The following TRHDE variants were observed in gnomAD, a reference collection of about 807,000 sequenced individuals.
TRHDE encodes the protein thyrotropin-releasing hormone-degrading ectoenzyme.
In TRHDE, 72 loss-of-function variants were observed where a neutral mutation model predicts 125.7. That is an observed-to-expected ratio of 0.57 (90% CI 0.47 to 0.70). The LOEUF (loss-of-function observed/expected upper bound fraction) is 0.70. Ranked by LOEUF, TRHDE falls within the 30% of genes least tolerant of loss-of-function variation. The probability of loss-of-function intolerance (pLI) is 0.00; values close to 1 mark genes in which losing one functional copy is unlikely to be tolerated. For missense variants in TRHDE, 1,110 were observed against 1,327.1 expected (o/e 0.84, Z 2.54); for synonymous variants, 509 against 509.1 (o/e 1.00, Z 0.00).
At chr12:72,407,363 G>A (rs1272606440) in intron 3 of TRHDE, among the ~76,000 whole-genome samples, 1 of 152,140 alleles carries the variant, frequency 6.6e-6, no homozygotes, top group East Asian at 1.9e-4. Flanking sequence ...GCTAAGAGAG[G>A]GCTGATGTGT....
chr12:72,561,802 A>G (rs544782087), intron 7 of TRHDE, among the ~76,000 whole-genome samples: 1 of 152,188 alleles, frequency 6.6e-6, no homozygotes, highest in South Asian at 2.1e-4. Context: ...CTTTTTCAAC[A>G]CTTTAACGCA....
At chr12:72,270,278 A>G (rs563643746), upstream of TRHDE, among the ~76,000 whole-genome samples, 1 of 152,360 alleles carries the variant, frequency 6.6e-6, no homozygotes, top group Admixed American at 6.5e-5. Flanking sequence ...CGGCCCACAT[A>G]CAACATGCTT....
chr12:72,502,590 A>G (rs1440878368), intron 6 of TRHDE, among the ~76,000 whole-genome samples: 1 of 152,132 alleles, frequency 6.6e-6, no homozygotes, highest in African/African-American at 2.4e-5. Context: ...ATGTGTTGGT[A>G]AATGTACTGT....
chr12:72,373,674 G>C (rs905838093), intron 2 of TRHDE, among the ~76,000 whole-genome samples: 2 of 152,182 alleles, frequency 1.3e-5, no homozygotes, highest in Non-Finnish European at 2.9e-5. Flanking sequence ...AGCAAGTGTG[G>C]GATTTGGACA....
chr12:72,598,179 T>A (rs1390140364), intron 12 of TRHDE, among the ~76,000 whole-genome samples: 1 of 152,174 alleles, frequency 6.6e-6, no homozygotes, highest in Non-Finnish European at 1.5e-5. Flanking sequence ...ATGAATATAG[T>A]TAGAATCAAC....
intron 15 of TRHDE, among the ~76,000 whole-genome samples, chr12:72,647,094 T>C (rs897362868): frequency 6.6e-6 from 1 of 151,934 alleles, no homozygotes; most frequent in Non-Finnish European, 1.5e-5. Flanking sequence ...TCTTAACAAA[T>C]TTAAGAAGAT....
At chr12:72,604,320 T>G (rs1035715580) in intron 12 of TRHDE, among the ~76,000 whole-genome samples, 2 of 152,140 alleles carry the variant, frequency 1.3e-5, no homozygotes, top group Non-Finnish European at 2.9e-5. Context: ...AAGTTTTTTT[T>G]TAAAGGGCAT....
At chr12:72,325,655 G>C (rs1275863963) in intron 2 of TRHDE, among the ~76,000 whole-genome samples, 1 of 151,928 alleles carries the variant, frequency 6.6e-6, no homozygotes, top group African/African-American at 2.4e-5. Flanking sequence ...CAGTCTTTCT[G>C]TGATTTTAAT....
rs144560604 is a variant in TRHDE, at chr12:72,096,134, T to TACACACACACACACACAC, written n.174+8711_174+8728dup. Among the ~76,000 whole-genome samples, 1,174 of 145,150 alleles carry TACACACACACACACACAC rather than the reference T, an allele frequency of 8.1e-3. 6 individuals are homozygous for TACACACACACACACACAC. Among genetic ancestry groups the TACACACACACACACACAC allele is most frequent in the East Asian group, 0.019 (92 of 4,876 alleles). ...TAAGATAAATCTTTTCTTATGTGTA[T>TACACACACACACACACAC]ACACACACACACACACACACACACA... On this transcript the variant is annotated intron_variant and non_coding_transcript_variant, in intron 1 of 4. Coordinates refer to the TRHDE transcript ENST00000548156.
chr12:72,182,974 A>G (rs1435054569), intron 2 of TRHDE, among the ~76,000 whole-genome samples: 1 of 152,138 alleles, frequency 6.6e-6, no homozygotes, highest in African/African-American at 2.4e-5. Flanking sequence ...CTGTAAAGAG[A>G]AATAATATGG....
chr12:72,394,901 A>G (rs1872733098), intron 3 of TRHDE, among the ~76,000 whole-genome samples: 1 of 152,196 alleles, frequency 6.6e-6, no homozygotes, highest in African/African-American at 2.4e-5. Context: ...ATTTCACCAA[A>G]TGGTGTTTTC....
chr12:72,473,408 A>G (rs1361023477), intron 5 of TRHDE, among the ~76,000 whole-genome samples: 3 of 152,182 alleles, frequency 2.0e-5, no homozygotes, highest in South Asian at 4.1e-4. Context: ...GCCACAATTT[A>G]CCTGAATAGA....
chr12:72,368,131 G>A (rs1167752581), intron 2 of TRHDE, among the ~76,000 whole-genome samples: 1 of 152,036 alleles, frequency 6.6e-6, no homozygotes, highest in Non-Finnish European at 1.5e-5. Flanking sequence ...TAGAAGAAAG[G>A]CTTTAGACAG....
At position 72,292,704 on chromosome 12, in the gene TRHDE, T is replaced by C. The variant is rs1041382049; in HGVS notation, c.1188+5750T>C. Among the ~76,000 whole-genome samples the C allele has an allele frequency of 1.6e-4, 24 of 152,340 alleles. No individual in the cohort carries two copies. In the East Asian group the frequency reaches 3.9e-3, roughly 24 times the overall value. On this transcript the variant is annotated intron_variant, in intron 2 of 18. Coordinates refer to ENST00000261180, the MANE Select transcript of TRHDE (RefSeq NM_013381.3). ...AGCCTCCTCAAGCCCCAGAGGCTTC[T>C]GCTAACAATCCCAAGGCTTTTCCAG...
At chr12:72,221,366 T>C (rs759184682) in intron 2 of TRHDE, among the ~76,000 whole-genome samples, 1 of 152,070 alleles carries the variant, frequency 6.6e-6, no homozygotes, top group Non-Finnish European at 1.5e-5. Context: ...TGAAGAAATA[T>C]ATCAAGTTCC....
intron 2 of TRHDE, among the ~76,000 whole-genome samples, chr12:72,187,506 T>TGGTTGTGGA (rs1233283631): frequency 7.6e-6 from 1 of 132,296 alleles, no homozygotes; most frequent in African/African-American, 2.9e-5. Flanking sequence ...GTGGTGGTGG[T>TGGTTGTGGA]GGAGGAGGAG....
intron 2 of TRHDE, among the ~76,000 whole-genome samples, chr12:72,294,121 C>T (rs1228047005): frequency 3.3e-5 from 5 of 152,148 alleles, no homozygotes; most frequent in Admixed American, 3.3e-4. Flanking sequence ...AGGGAGTTCC[C>T]AGGTCTGGGC....
intron 2 of TRHDE, among the ~76,000 whole-genome samples, chr12:72,341,231 C>T (rs1219161965): frequency 6.6e-6 from 1 of 151,748 alleles, no homozygotes; most frequent in African/African-American, 2.4e-5. Flanking sequence ...TTTGCTGCAC[C>T]CATCAGCTCA....
intron 3 of TRHDE, among the ~76,000 whole-genome samples, chr12:72,397,259 A>G (rs1872836059): frequency 1.3e-5 from 2 of 152,184 alleles, no homozygotes; most frequent in Non-Finnish European, 2.9e-5. Flanking sequence ...CTTAAAAATA[A>G]TCTCATGTTT....
Sources: gnomAD v4.1 joint callset for allele counts (sites outside exome capture counted in the v4.1 genomes callset) on GRCh38, gnomAD v4.1.1 for gene constraint, MANE v1.5 for transcripts, NCBI Gene and HGNC (gene_info 2026-07-23, HGNC 2026-07-21) for gene names.